The following DCAKD variants were observed in gnomAD, a reference collection of about 807,000 sequenced individuals.
DCAKD encodes the protein dephospho-CoA kinase domain containing, also known as dephospho-CoA kinase domain-containing protein.
A neutral mutation model predicts 18.7 loss-of-function variants in DCAKD; 15 were observed. The observed-to-expected ratio is 0.80, with a 90% CI of 0.54 to 1.24. The LOEUF is 1.24. Among genes scored for constraint, DCAKD ranks in the 50% most tolerant of loss-of-function variants. The probability of loss-of-function intolerance (pLI) is 0.00; values close to 1 mark genes in which losing one functional copy is unlikely to be tolerated. For missense variants in DCAKD, 301 were observed against 322.0 expected (o/e 0.93, Z 0.50); for synonymous variants, 130 against 133.0 (o/e 0.98, Z 0.16).
At position 45,060,700 on chromosome 17, in the gene DCAKD, G is replaced by A. The variant is rs1002078312; in HGVS notation, c.-118+188C>T. ...TCTCCTGGCTTAGGGTCAGTGCTTC[G>A]CACAAAAAAATCCACTGCCTCTCAT... On this transcript the variant is annotated intron_variant, in intron 1 of 4. Transcript: ENST00000310604. 5.9e-5 allele frequency among the ~76,000 whole-genome samples: 9 copies of A among 152,150 alleles called. No individual in the cohort carries two copies. In the East Asian group the frequency reaches 1.7e-3, roughly 29 times the overall value.
In DCAKD at chr17:45,034,893, G is replaced by A. The variant is rs1418420774; in HGVS notation, c.-8C>T. The A allele has an allele frequency of 3.7e-6, 6 of 1,613,998 alleles. No homozygotes were observed. The highest frequency in any genetic ancestry group is 3.3e-4 in the Middle Eastern group (2 of 6,060). ...CAGGCCCACCAGAAACATCTTCCAG[G>A]AAAGAGAGCTGTCCGCGAGACTACG... On this transcript the variant is annotated 5_prime_UTR_variant, in exon 2 of 5. Transcript: ENST00000651974.
chr17:45,054,646 ATCTAAT>A (rs2053761262), upstream of DCAKD, among the ~76,000 whole-genome samples: 1 of 152,100 alleles, frequency 6.6e-6, no homozygotes, highest in South Asian at 2.1e-4. Flanking sequence ...TACAGAACAA[ATCTAAT>A]TCTATTTTAT....
intron 4 of DCAKD, 100 bp from the exon 5 acceptor site, chr17:45,024,824 TG>T (rs2053021300): frequency 1.4e-6 from 2 of 1,396,308 alleles, no homozygotes; most frequent in Non-Finnish European, 1.9e-6. Flanking sequence ...ACAGAGAGCA[TG>T]GGGACTGGAT....
Position 45,034,206 on chromosome 17 carries a change from C to T in DCAKD, c.297G>A (p.Thr99=), listed in dbSNP as rs142327107. 2.9e-5 allele frequency: 46 copies of T among 1,613,816 alleles called. No individual in the cohort carries two copies. In the African/African-American group the frequency reaches 3.7e-4, roughly 13 times the overall value. The change falls in exon 3 of 5, where the codon ACG becomes ACA. Residue 99 remains threonine (T), a synonymous_variant. Coordinates refer to ENST00000651974, the MANE Select transcript of DCAKD (RefSeq NM_001288655.2). ...ACTTACCCCGGAGGAAGTACTTGAA[C>T]GTCTCCTTCATCATCTCCTTGCGAA... ...PEIRKEMMKE[T]FKYFLRGYRY... is the part of the protein sequence containing the mutation.
chr17:45,055,558 T>A (rs542129955), upstream of DCAKD, among the ~76,000 whole-genome samples: 1 of 152,124 alleles, frequency 6.6e-6, no homozygotes, highest in African/African-American at 2.4e-5. Context: ...CAGTCCTAAG[T>A]CATATCATTC....
upstream of DCAKD, among the ~76,000 whole-genome samples, chr17:45,052,074 G>T (rs1321835853): frequency 7.7e-6 from 1 of 129,430 alleles, no homozygotes; most frequent in Non-Finnish European, 1.6e-5. Flanking sequence ...GGAGAGGTTG[G>T]GCGGGAGAGG....
intron 1 of DCAKD, among the ~76,000 whole-genome samples, chr17:45,047,504 CT>C (rs916286343): frequency 0.011 from 1,310 of 124,488 alleles, 12 homozygotes; most frequent in African/African-American, 0.02. Flanking sequence ...TGGCTAGTCT[CT>C]TTTTTTTTTT....
At chr17:45,042,198 C>T (rs1211032701) in intron 1 of DCAKD, among the ~76,000 whole-genome samples, 1 of 152,172 alleles carries the variant, frequency 6.6e-6, no homozygotes, top group Non-Finnish European at 1.5e-5. Flanking sequence ...TTGGAGGAGC[C>T]TCATCCAATC....
At chr17:45,039,382 A>G (rs1310589997) in intron 1 of DCAKD, among the ~76,000 whole-genome samples, 2 of 152,214 alleles carry the variant, frequency 1.3e-5, no homozygotes, top group African/African-American at 4.8e-5. Context: ...GAGGCAGTAC[A>G]TTCCTCACAG....
intron 1 of DCAKD, among the ~76,000 whole-genome samples, chr17:45,058,462 C>T (rs1447639718): frequency 1.3e-5 from 2 of 151,874 alleles, no homozygotes; most frequent in Non-Finnish European, 2.9e-5. Context: ...CTTTGTCACC[C>T]AGGCTGGAGT....
At chr17:45,061,066 C>T (rs181669797) in exon 1 of DCAKD, 4 of 1,251,646 alleles carry the variant, frequency 3.2e-6, no homozygotes, top group East Asian at 7.6e-5. Context: ...AAGGGTCGGT[C>T]CCACCAACCT....
chr17:45,027,079 A>G, intron 4 of DCAKD, among the ~76,000 whole-genome samples: 1 of 152,250 alleles, frequency 6.6e-6, no homozygotes, highest in East Asian at 1.9e-4. Context: ...ACAGTGGCTC[A>G]TGCCTATAAT....
At chr17:45,049,812 T>G (rs1597982947) in intron 1 of DCAKD, among the ~76,000 whole-genome samples, 1 of 139,204 alleles carries the variant, frequency 7.2e-6, no homozygotes, top group African/African-American at 2.7e-5. Context: ...CTCTGCTTCC[T>G]GAGTTCAAGT....
intron 1 of DCAKD, among the ~76,000 whole-genome samples, chr17:45,044,991 A>G (rs1274502752): frequency 6.6e-6 from 1 of 152,226 alleles, no homozygotes; most frequent in Non-Finnish European, 1.5e-5. Context: ...TGAAGGTTTA[A>G]GGAATTTGGC....
At chr17:45,043,538 C>A (rs2053489009) in intron 1 of DCAKD, among the ~76,000 whole-genome samples, 1 of 152,118 alleles carries the variant, frequency 6.6e-6, no homozygotes, top group African/African-American at 2.4e-5. Context: ...TGGGCACATA[C>A]CAAGGAAAAT....
At position 45,024,646 on chromosome 17, in the gene DCAKD, G is replaced by A. The variant is rs553836801; in HGVS notation, c.483C>T (p.Ala161=). The A allele has an allele frequency of 7.4e-6, 12 of 1,612,772 alleles. No individual in the cohort carries two copies. The highest frequency in any genetic ancestry group is 3.3e-5 in the Admixed American group (2 of 59,978). The change falls in exon 5 of 5, where the codon GCC becomes GCT. Residue 161 remains alanine, a synonymous_variant. Transcript: ENST00000651974. ...NRKDAEARIN[A]QLPLTDKARM... is the part of the protein sequence containing the mutation. ...GGGCCTTGTCTGTCAGGGGCAGCTG[G>A]GCATTGATGCGGGCCTCTGCGTCCT...
intron 3 of DCAKD, 64 bp from the exon 4 acceptor site, chr17:45,030,243 T>C: frequency 2.0e-6 from 3 of 1,477,496 alleles, no homozygotes; most frequent in South Asian, 2.3e-5. Context: ...ACTGATGATA[T>C]GCTGGGCCCC....
At chr17:45,049,190 C>A (rs2053636664) in intron 1 of DCAKD, among the ~76,000 whole-genome samples, 1 of 152,110 alleles carries the variant, frequency 6.6e-6, no homozygotes, top group Non-Finnish European at 1.5e-5. Context: ...CTAATCCCAG[C>A]ACTTTTGGAG....
chr17:45,050,615 G>A (rs1379300556), intron 1 of DCAKD, among the ~76,000 whole-genome samples: 1 of 152,026 alleles, frequency 6.6e-6, no homozygotes, highest in African/African-American at 2.4e-5. Context: ...CCTTTCCCCA[G>A]GCCTATGCCA....
Sources: gnomAD v4.1 joint callset for allele counts (sites outside exome capture counted in the v4.1 genomes callset) on GRCh38, gnomAD v4.1.1 for gene constraint, MANE v1.5 for transcripts, NCBI Gene and HGNC (gene_info 2026-07-23, HGNC 2026-07-21) for gene names.